The following PRKCE variants were observed in gnomAD, a reference collection of about 807,000 sequenced individuals.
The protein encoded by PRKCE is protein kinase C epsilon, also known as protein kinase C epsilon type.
A neutral mutation model predicts 85.4 loss-of-function variants in PRKCE; 16 were observed. That is an observed-to-expected ratio of 0.19 (90% confidence interval 0.13 to 0.28). The LOEUF is 0.28. Among genes scored for constraint, PRKCE ranks in the 10% least tolerant of loss-of-function variants. PRKCE has a pLI of 1.00. For missense variants in PRKCE, 573 were observed against 975.2 expected (o/e 0.59, Z 5.49); for synonymous variants, 388 against 371.5 (o/e 1.04, Z -0.51).
chr2:46,140,192 A>G (rs1048629017), intron 11 of PRKCE, among the ~76,000 whole-genome samples: 1 of 152,208 alleles, frequency 6.6e-6, no homozygotes, highest in African/African-American at 2.4e-5. Flanking sequence ...TTTTTTAACT[A>G]GACAAATGAT....
chr2:45,824,182 T>A (rs566836910), intron 1 of PRKCE, among the ~76,000 whole-genome samples: 1 of 152,366 alleles, frequency 6.6e-6, no homozygotes, highest in Admixed American at 6.5e-5. Context: ...AGGGATAATT[T>A]GCAGGCTTCA....
At chr2:46,046,057 T>C (rs1203229319) in intron 10 of PRKCE, among the ~76,000 whole-genome samples, 1 of 152,134 alleles carries the variant, frequency 6.6e-6, no homozygotes, top group African/African-American at 2.4e-5. Context: ...TCCTCAGCTG[T>C]CATGGGAAGA....
chr2:45,955,696 T>C (rs1269915158), intron 2 of PRKCE, among the ~76,000 whole-genome samples: 1 of 152,160 alleles, frequency 6.6e-6, no homozygotes, highest in Non-Finnish European at 1.5e-5. Flanking sequence ...TTTAGGCAGA[T>C]GTTCATTCTA....
intron 1 of PRKCE, among the ~76,000 whole-genome samples, chr2:45,778,258 A>C (rs181394904): frequency 3.3e-4 from 50 of 152,276 alleles, no homozygotes; most frequent in Admixed American, 1.5e-3. Flanking sequence ...GGTTTTGAGC[A>C]GTGGGACATG....
chr2:46,061,082 T>G (rs1051975488), intron 10 of PRKCE, among the ~76,000 whole-genome samples: 6 of 150,958 alleles, frequency 4.0e-5, no homozygotes, highest in African/African-American at 1.5e-4. Context: ...TCTTTAATGA[T>G]TTTCTTTTCT....
At chr2:46,112,790 G>C (rs1004795728) in intron 11 of PRKCE, among the ~76,000 whole-genome samples, 1 of 152,012 alleles carries the variant, frequency 6.6e-6, no homozygotes, top group East Asian at 1.9e-4. Flanking sequence ...AAAGTGCTGG[G>C]GTTACAGGTG....
At chr2:46,143,840 C>A (rs1167866349) in intron 11 of PRKCE, among the ~76,000 whole-genome samples, 1 of 152,208 alleles carries the variant, frequency 6.6e-6, no homozygotes, top group Non-Finnish European at 1.5e-5. Flanking sequence ...TAAGTGGAAA[C>A]GGGGTCGTGG....
chr2:45,821,326 C>G (rs1421268857), intron 1 of PRKCE, among the ~76,000 whole-genome samples: 1 of 152,192 alleles, frequency 6.6e-6, no homozygotes, highest in Admixed American at 6.5e-5. Context: ...CCACCATAGC[C>G]TGGAGTGGAC....
intron 1 of PRKCE, among the ~76,000 whole-genome samples, chr2:45,749,158 T>G (rs10865206): frequency 0.24 from 36,887 of 152,068 alleles, 5,389 homozygotes; most frequent in African/African-American, 0.4. Flanking sequence ...TCAAAGTGCT[T>G]GGATTACAAG....
intron 2 of PRKCE, among the ~76,000 whole-genome samples, chr2:45,889,366 C>G (rs1695545080): frequency 6.6e-6 from 1 of 152,150 alleles, no homozygotes. Context: ...TCCATAAGCG[C>G]CCTCCAAAAA....
intron 1 of PRKCE, among the ~76,000 whole-genome samples, chr2:45,811,842 AT>A (rs1688672229): frequency 6.6e-6 from 1 of 152,210 alleles, no homozygotes; most frequent in Admixed American, 6.5e-5. Flanking sequence ...GCCTTAAAAT[AT>A]TTTTAATATT....
intron 2 of PRKCE, among the ~76,000 whole-genome samples, chr2:45,904,592 G>T (rs544586662): frequency 6.6e-6 from 1 of 152,202 alleles, no homozygotes; most frequent in African/African-American, 2.4e-5. Context: ...GCCAAGAAGC[G>T]AAATGTCTTA....
At chr2:45,755,397 G>C (rs1470485237) in intron 1 of PRKCE, among the ~76,000 whole-genome samples, 2 of 152,194 alleles carry the variant, frequency 1.3e-5, no homozygotes, top group Non-Finnish European at 2.9e-5. Flanking sequence ...ATAAATCTGA[G>C]GTGGTCCTGA....
chr2:45,881,922 C>G (rs1573731177), intron 2 of PRKCE, among the ~76,000 whole-genome samples: 2 of 152,278 alleles, frequency 1.3e-5, no homozygotes, highest in East Asian at 1.9e-4. Context: ...ATGTGGAGCT[C>G]TGTGTGTTGT....
chr2:45,997,783 G>C (rs1704340920), intron 6 of PRKCE, among the ~76,000 whole-genome samples: 1 of 152,166 alleles, frequency 6.6e-6, no homozygotes, highest in Non-Finnish European at 1.5e-5. Flanking sequence ...CTGACCTCAA[G>C]TGATCCACCT....
rs148619604 is a variant in PRKCE at position 46,096,172 on chromosome 2, G to T, written c.1592+9810G>T. On this transcript the variant is annotated intron_variant, in intron 11 of 14. Transcript: ENST00000306156. ...CCTGGGTCTGCCTCATCTTTGTTGTGTTTTCCTGGGTAGAATAATTAAACT... is the reference window on the plus strand; with the variant it reads ...CCTGGGTCTGCCTCATCTTTGTTGTTTTTTCCTGGGTAGAATAATTAAACT... Among the ~76,000 whole-genome samples, 350 of 152,294 alleles carry T rather than the reference G, an allele frequency of 2.3e-3. 2 individuals carry two copies. The highest frequency in any genetic ancestry group is 8.2e-3 in the African/African-American group (341 of 41,564).
chr2:46,103,509 A>G (rs1671430313), intron 11 of PRKCE, among the ~76,000 whole-genome samples: 1 of 152,212 alleles, frequency 6.6e-6, no homozygotes. Context: ...TAACTCATGT[A>G]TAATACACAT....
In PRKCE at chr2:46,016,588, C is replaced by A. The variant is rs75536975; in HGVS notation, c.1437+6071C>A. Among the ~76,000 whole-genome samples, 1,193 of 152,174 alleles carry A rather than the reference C, an allele frequency of 7.8e-3. 25 individuals are homozygous for A. The highest frequency in any genetic ancestry group is 0.054 in the East Asian group (278 of 5,170). Reference sequence around the variant, plus strand: ...CCTCTTTGCATATAAGGAAACCTTACATTTGAATAGGACCTTTGCTTTTAA... The same window carrying A: ...CCTCTTTGCATATAAGGAAACCTTAAATTTGAATAGGACCTTTGCTTTTAA... On this transcript the variant is annotated intron_variant, in intron 10 of 14. Transcript: ENST00000306156.
Position 45,907,677 on chromosome 2 carries a change from G to T in PRKCE, c.412+64614G>T, listed in dbSNP as rs1204723201. Among the ~76,000 whole-genome samples the T allele has an allele frequency of 6.6e-6, 1 of 152,176 alleles. No homozygotes were observed. Among genetic ancestry groups the T allele is most frequent in the East Asian group, 1.9e-4 (1 of 5,190 alleles). ...GGAGAAGGAGCATGAGCCCACATCT[G>T]CCGTGGCCACCTCTCCAAGGCCAAG... On this transcript the variant is annotated intron_variant, in intron 2 of 14. Transcript: ENST00000306156. The surrounding 1 kb of genome is among the most constrained non-coding windows in gnomAD (Gnocchi z 4.5).
Sources: gnomAD v4.1 joint callset for allele counts (sites outside exome capture counted in the v4.1 genomes callset) on GRCh38, gnomAD v4.1.1 for gene constraint, Gnocchi (gnomAD v3.1) non-coding constraint, MANE v1.5 for transcripts, NCBI Gene and HGNC (gene_info 2026-07-23, HGNC 2026-07-21) for gene names.